The following SPART variants were observed in gnomAD, a reference collection of about 807,000 sequenced individuals.
SPART encodes spartin, also known as spastic paraplegia 20 (Troyer syndrome).
SPART carries 35 observed loss-of-function variants against 58.7 expected under a neutral mutation model. The observed-to-expected ratio is 0.60, with a 90% confidence interval of 0.46 to 0.79. SPART has a LOEUF of 0.79. Ranked by LOEUF, SPART falls within the 30% of genes least tolerant of loss-of-function variation. SPART has a pLI of 0.00. For synonymous variants in SPART, 284 were observed against 280.7 expected (o/e 1.01, Z -0.12); for missense variants, 730 against 786.1 (o/e 0.93, Z 0.85).
chr13:36,363,865 C>T (rs531142998), intron 1 of SPART, among the ~76,000 whole-genome samples: 57 of 152,170 alleles, frequency 3.7e-4, no homozygotes, highest in African/African-American at 1.3e-3. Flanking sequence ...CGTCATCCAG[C>T]TTTCCTCAAA....
At chr13:36,335,962 TC>T in intron 1 of SPART, 130 bp from the exon 2 acceptor site, 1 of 730,814 alleles carries the variant, frequency 1.4e-6, no homozygotes, top group South Asian at 1.6e-5. Flanking sequence ...TATTATACTA[TC>T]CTTTAAGCCT....
intron 1 of SPART, among the ~76,000 whole-genome samples, chr13:36,360,129 A>G (rs982008364): frequency 6.6e-6 from 1 of 151,502 alleles, no homozygotes; most frequent in African/African-American, 2.4e-5. Context: ...CCCCGTCTCT[A>G]CTAAAAATAC....
intron 3 of SPART, among the ~76,000 whole-genome samples, chr13:36,330,663 T>C (rs1481554984): frequency 6.6e-6 from 1 of 152,150 alleles, no homozygotes; most frequent in African/African-American, 2.4e-5. Flanking sequence ...CAACAATATA[T>C]AAAGAAAGTC....
intron 1 of SPART, among the ~76,000 whole-genome samples, chr13:36,341,838 C>A (rs2137620874): frequency 6.6e-6 from 1 of 152,232 alleles, no homozygotes; most frequent in East Asian, 1.9e-4. Flanking sequence ...ATATACAGAC[C>A]CACGTATTTG....
chr13:36,365,554 A>G (rs1306049100), intron 1 of SPART: 4 of 459,020 alleles, frequency 8.7e-6, no homozygotes, highest in Non-Finnish European at 1.8e-5. Flanking sequence ...TAAACCGCCT[A>G]TTGATACCTA....
At chr13:36,360,087 A>G (rs1014611017) in intron 1 of SPART, among the ~76,000 whole-genome samples, 4 of 151,756 alleles carry the variant, frequency 2.6e-5, no homozygotes, top group Non-Finnish European at 5.9e-5. Context: ...CGAGGTCAGG[A>G]GATCGAGACC....
intron 1 of SPART, among the ~76,000 whole-genome samples, chr13:36,352,357 T>C (rs951566525): frequency 6.6e-6 from 1 of 152,214 alleles, no homozygotes; most frequent in African/African-American, 2.4e-5. Context: ...AGCTAAATTG[T>C]ACTTTTTATA....
At chr13:36,316,428 C>T (rs994549763) in intron 5 of SPART, among the ~76,000 whole-genome samples, 5 of 152,086 alleles carry the variant, frequency 3.3e-5, no homozygotes, top group African/African-American at 1.2e-4. Context: ...GTGAATATGC[C>T]CTGCCCCACC....
At chr13:36,319,557 C>T (rs540443065) in intron 5 of SPART, among the ~76,000 whole-genome samples, 6 of 151,948 alleles carry the variant, frequency 3.9e-5, no homozygotes, top group African/African-American at 1.2e-4. Flanking sequence ...TGAAACCAGA[C>T]AAGCCTTACA....
chr13:36,302,503 A>G lies in SPART; in HGVS notation c.*1862T>C, dbSNP rs1271483014. 6.6e-6 allele frequency: 1 copy of G among 152,218 alleles called. No individual in the cohort carries two copies. The highest frequency in any genetic ancestry group is 1.5e-5 in the Non-Finnish European group (1 of 68,046). The allele number at this position is 152,218 out of a possible 1,614,324, so 9.4% of individuals were successfully genotyped here. On this transcript the variant is annotated 3_prime_UTR_variant, in exon 9 of 9. Transcript: ENST00000438666. ...ATGCTCCAATAAAACGTTATTTATG[A>G]AAACAGGTGGACATCTGGATTTAGC...
intron 3 of SPART, 113 bp from the exon 4 acceptor site, chr13:36,329,630 A>C (rs1883277585): frequency 8.9e-7 from 1 of 1,123,798 alleles, no homozygotes; most frequent in African/African-American, 1.5e-5. Flanking sequence ...TCAGTTTGGC[A>C]GTCTATCAGT....
chr13:36,369,868 C>A lies in SPART; in HGVS notation c.-3+221G>T, dbSNP rs55807300. On this transcript the variant is annotated intron_variant, in intron 1 of 8. Transcript: ENST00000355182. ...GAGATCGCAGGCCTGGCTCTTCATA[C>A]CTTTGGCTTTCTGTTGAATTGAACT... Among the ~76,000 whole-genome samples, 285 of 152,198 alleles carry A rather than the reference C, an allele frequency of 1.9e-3. 1 individual carries two copies. The highest frequency in any genetic ancestry group is 6.7e-3 in the African/African-American group (279 of 41,532).
intron 2 of SPART, among the ~76,000 whole-genome samples, chr13:36,332,728 T>C (rs1883571763): frequency 6.6e-6 from 1 of 152,228 alleles, no homozygotes; most frequent in African/African-American, 2.4e-5. Flanking sequence ...GCTCACATCC[T>C]GGCTGCCTAA....
intron 5 of SPART, among the ~76,000 whole-genome samples, chr13:36,318,092 C>A (rs1479483765): frequency 2.0e-5 from 3 of 152,030 alleles, no homozygotes; most frequent in Non-Finnish European, 4.4e-5. Context: ...TTCTACAGAC[C>A]CATCTGACCT....
At chr13:36,349,092 G>C (rs867009005), upstream of SPART, among the ~76,000 whole-genome samples, 3 of 151,990 alleles carry the variant, frequency 2.0e-5, no homozygotes, top group Admixed American at 1.3e-4. Flanking sequence ...GAAGAAACCC[G>C]GTCTCTACTA....
intron 3 of SPART, 57 bp from the exon 4 acceptor site, chr13:36,329,574 T>C: frequency 6.5e-7 from 1 of 1,547,406 alleles, no homozygotes; most frequent in Non-Finnish European, 8.9e-7. Context: ...GATGGCTTTC[T>C]GCCAGCTATA....
intron 4 of SPART, among the ~76,000 whole-genome samples, chr13:36,327,669 C>A (rs1883062875): frequency 1.3e-5 from 2 of 152,030 alleles, no homozygotes; most frequent in South Asian, 4.2e-4. Flanking sequence ...TAAAATATAT[C>A]TAGAAGGACA....
chr13:36,341,841 C>T (rs1005397148), intron 1 of SPART, among the ~76,000 whole-genome samples: 2 of 152,176 alleles, frequency 1.3e-5, no homozygotes, highest in Admixed American at 6.5e-5. Context: ...TACAGACCCA[C>T]GTATTTGCTC....
rs748804234 is a variant in SPART at position 36,326,650 on chromosome 13, A to T, written c.1213T>A (p.Cys405Ser). ...EEVNLSHIVP[C>S]EPVPEEKPKE... is the part of the protein sequence containing the mutation. ...GGCTTTTCTTCTGGAACTGGCTCAC[A>T]TGGTACAATGTGACTCAGGTTAACT... The change falls in exon 5 of 9, where the codon TGT becomes AGT. Residue 405 changes from cysteine (C) to serine (S), a missense_variant. Cys to Ser is a moderately radical substitution (Grantham distance 112). Coordinates refer to ENST00000438666, the MANE Select transcript of SPART (RefSeq NM_015087.5). The T allele has an allele frequency of 1.2e-6, 2 of 1,613,346 alleles. No homozygotes were observed.
Sources: allele counts gnomAD v4.1 joint callset (sites outside exome capture counted in the v4.1 genomes callset), GRCh38; gene constraint gnomAD v4.1.1; transcripts MANE v1.5; gene names NCBI Gene and HGNC (gene_info 2026-07-23, HGNC 2026-07-21).